CMTR1: variants seen among roughly 807,000 people sequenced by gnomAD.
CMTR1 encodes the protein cap methyltransferase 1.
A neutral mutation model predicts 107.0 loss-of-function variants in CMTR1; 39 were observed. The ratio of observed to expected loss-of-function variants is 0.36; its 90% confidence interval spans 0.28 to 0.48. The LOEUF (loss-of-function observed/expected upper bound fraction) is 0.48, where lower values mean the gene tolerates loss of function less well. Ranked by LOEUF, CMTR1 falls within the 20% of genes least tolerant of loss-of-function variation. The pLI, the probability that CMTR1 is intolerant of heterozygous loss-of-function variation, is 0.99. For missense variants in CMTR1, 672 were observed against 1,064.9 expected (o/e 0.63, Z 5.14); for synonymous variants, 366 against 379.5 (o/e 0.96, Z 0.41).
chr6:37,464,675 G>A (rs939788335), intron 13 of CMTR1, among the ~76,000 whole-genome samples: 1 of 151,996 alleles, frequency 6.6e-6, no homozygotes, highest in Non-Finnish European at 1.5e-5. Flanking sequence ...TTGCTGACTA[G>A]TATTCCATTC....
chr6:37,479,350 G>C, intron 23 of CMTR1, 95 bp downstream of exon 23: 2 of 890,652 alleles, frequency 2.2e-6, no homozygotes, highest in South Asian at 2.7e-5. Flanking sequence ...CCTGGGTCCT[G>C]AGACTGTTGC....
intron 8 of CMTR1, among the ~76,000 whole-genome samples, chr6:37,457,342 G>A (rs1459991239): frequency 3.3e-5 from 5 of 152,118 alleles, no homozygotes; most frequent in African/African-American, 9.7e-5. Context: ...TGCTCCGAGC[G>A]TTGCCTGGAA....
chr6:37,479,533 A>G (rs919988254), intron 23 of CMTR1, among the ~76,000 whole-genome samples: 1 of 152,188 alleles, frequency 6.6e-6, no homozygotes, highest in Admixed American at 6.5e-5. Flanking sequence ...CACCCCATGG[A>G]GCAGCCACGT....
In CMTR1 at chr6:37,466,257, T is replaced by C. The variant is rs568295312; in HGVS notation, c.1505+3249T>C. ...CCTCCCGAGTAGCTGGGATTACAGG[T>C]GCGTGCCACCACGCCCAGCTAATTT... On this transcript the variant is annotated intron_variant, in intron 13 of 23. Transcript: ENST00000373451. Among the ~76,000 whole-genome samples the C allele has an allele frequency of 2.4e-4, 36 of 151,834 alleles. No individual in the cohort carries two copies. The South Asian group carries it at 7.5e-3, about 32-fold the overall frequency.
chr6:37,478,322 C>A, intron 21 of CMTR1, 87 bp from the exon 22 acceptor site: 1 of 1,002,040 alleles, frequency 1.0e-6, no homozygotes, highest in Non-Finnish European at 1.6e-6. Context: ...TCAGATACTG[C>A]AGTTGGGGTG....
At chr6:37,476,088 C>T in intron 19 of CMTR1, 38 bp from the exon 20 acceptor site, 2 of 1,606,530 alleles carry the variant, frequency 1.2e-6, no homozygotes, top group Non-Finnish European at 8.5e-7. Context: ...GTGGAGGCAT[C>T]CTTGGCTTGC....
chr6:37,461,135 T>G (rs1477974902), intron 10 of CMTR1, among the ~76,000 whole-genome samples: 2 of 152,248 alleles, frequency 1.3e-5, no homozygotes, highest in Admixed American at 1.3e-4. Context: ...GTGTTCTCAC[T>G]GTACTCACTC....
In CMTR1 at chr6:37,446,311, A is replaced by C; in HGVS notation, c.306A>C (p.Glu102Asp). Residue 102 changes from glutamate to aspartate, a missense_variant, in exon 4 of 24, where the codon GAA becomes GAC. This residue lies in a region of CMTR1 where 583 missense variants were observed against 968.4 expected (regional missense o/e 0.60). Coordinates refer to ENST00000373451, the MANE Select transcript of CMTR1 (RefSeq NM_015050.3). ...QKLMAKMGFR[E>D]GEGLGKYSQG... The stretch of plus-strand genomic sequence containing the variant: ...TTCAGGCCAAGATGGGCTTCAGGGA[A>C]GGTGAAGGATTGGGTAAATACAGCC... 6.2e-7 allele frequency: 1 copy of C among 1,614,148 alleles called. No homozygotes were observed. Among genetic ancestry groups the C allele is most frequent in the Middle Eastern group, 1.6e-4 (1 of 6,062 alleles).
chr6:37,478,054 C>CA (rs1184906387), intron 21 of CMTR1, among the ~76,000 whole-genome samples: 1 of 152,196 alleles, frequency 6.6e-6, no homozygotes, highest in Non-Finnish European at 1.5e-5. Flanking sequence ...TCACAGAACT[C>CA]AGTCTCCTTC....
upstream of CMTR1, among the ~76,000 whole-genome samples, chr6:37,432,370 C>T (rs967187523): frequency 2.0e-5 from 3 of 152,116 alleles, no homozygotes; most frequent in African/African-American, 7.2e-5. Flanking sequence ...ATAAAAATCA[C>T]TTTGGTTTTG....
intron 2 of CMTR1, among the ~76,000 whole-genome samples, chr6:37,440,580 C>T (rs974902857): frequency 1.3e-5 from 2 of 152,192 alleles, no homozygotes; most frequent in African/African-American, 4.8e-5. Flanking sequence ...TGATATTTTA[C>T]TCCCATTAAC....
intron 8 of CMTR1, among the ~76,000 whole-genome samples, chr6:37,457,281 G>T (rs371230861): frequency 6.6e-6 from 1 of 151,902 alleles, no homozygotes; most frequent in African/African-American, 2.4e-5. Flanking sequence ...GGCCACAAAT[G>T]TAATTATGCC....
chr6:37,448,285 C>T (rs1301724294), intron 4 of CMTR1, among the ~76,000 whole-genome samples: 1 of 151,240 alleles, frequency 6.6e-6, no homozygotes, highest in Admixed American at 6.6e-5. Context: ...TCTGGGTGTC[C>T]AGGGGTGGAT....
upstream of CMTR1, among the ~76,000 whole-genome samples, chr6:37,429,563 A>C (rs1002002615): frequency 6.6e-6 from 1 of 152,230 alleles, no homozygotes. Flanking sequence ...GACATACAAA[A>C]ATAATCTGAT....
At chr6:37,435,464 T>C (rs975318353) in intron 1 of CMTR1, among the ~76,000 whole-genome samples, 160 bp from the exon 2 acceptor site, 1 of 152,212 alleles carries the variant, frequency 6.6e-6, no homozygotes, top group Non-Finnish European at 1.5e-5. Flanking sequence ...GCATCCTTCC[T>C]AGACCTCATT....
intron 4 of CMTR1, among the ~76,000 whole-genome samples, chr6:37,447,009 C>T (rs1302267956): frequency 6.6e-6 from 1 of 152,154 alleles, no homozygotes; most frequent in Non-Finnish European, 1.5e-5. Flanking sequence ...TCTCATTATC[C>T]CTTTTCATGG....
At position 37,472,540 on chromosome 6, in the gene CMTR1, G is replaced by T; in HGVS notation, c.1689+53G>T. ...AAAAGTTAGAGATCTGTCTCTAGATGTGGATGGTATCACTGAGGCCCCAGA... is the reference window on the plus strand; with the variant it reads ...AAAAGTTAGAGATCTGTCTCTAGATTTGGATGGTATCACTGAGGCCCCAGA... On this transcript the variant is annotated intron_variant, in intron 16 of 23. Transcript: ENST00000373451. The surrounding 1 kb of genome is among the most constrained non-coding windows in gnomAD (Gnocchi z 4.1). 1 of 1,545,000 alleles carries T rather than the reference G, an allele frequency of 6.5e-7. No individual in the cohort carries two copies. Among genetic ancestry groups the T allele is most frequent in the Non-Finnish European group, 8.9e-7 (1 of 1,117,392 alleles).
chr6:37,434,568 C>T (rs1378810544), intron 1 of CMTR1, among the ~76,000 whole-genome samples: 3 of 152,118 alleles, frequency 2.0e-5, no homozygotes, highest in Non-Finnish European at 4.4e-5. Flanking sequence ...TCGTGCTTAT[C>T]TCTCATGTAC....
At chr6:37,476,474 C>T (rs1761739531) in intron 20 of CMTR1, among the ~76,000 whole-genome samples, 1 of 152,222 alleles carries the variant, frequency 6.6e-6, no homozygotes, top group Admixed American at 6.5e-5. Flanking sequence ...CTCATGAATA[C>T]CCGTTCCCAC....
Sources: gnomAD v4.1 joint callset for allele counts (sites outside exome capture counted in the v4.1 genomes callset) on GRCh38, gnomAD v4.1.1 for gene constraint, gnomAD v4.1.1 regional missense constraint, Gnocchi (gnomAD v3.1) non-coding constraint, MANE v1.5 for transcripts, NCBI Gene and HGNC (gene_info 2026-07-23, HGNC 2026-07-21) for gene names.